Variants in DOCK3 observed in about 807,000 individuals in gnomAD.
The protein encoded by DOCK3 is dedicator of cytokinesis protein 3.
A neutral mutation model predicts 265.6 loss-of-function variants in DOCK3; 60 were observed. The ratio of observed to expected loss-of-function variants is 0.23; its 90% confidence interval spans 0.18 to 0.28. DOCK3 has a LOEUF of 0.28. Among genes scored for constraint, DOCK3 ranks in the 10% least tolerant of loss-of-function variants. DOCK3 has a pLI of 1.00. For synonymous variants in DOCK3, 881 were observed against 938.0 expected (o/e 0.94, Z 1.11); for missense variants, 1,981 against 2,594.3 (o/e 0.76, Z 5.14).
At chr3:50,922,124 CTT>C (rs2050507585) in intron 4 of DOCK3, among the ~76,000 whole-genome samples, 1 of 152,208 alleles carries the variant, frequency 6.6e-6, no homozygotes, top group Admixed American at 6.5e-5. Flanking sequence ...TTTCTGCTGC[CTT>C]TTGTTCAGGT....
intron 5 of DOCK3, among the ~76,000 whole-genome samples, chr3:51,016,082 A>G (rs2079199616): frequency 6.5e-5 from 1 of 15,490 alleles, no homozygotes; most frequent in Non-Finnish European, 9.6e-5. Flanking sequence ...TATATATCAT[A>G]TATTTCTACA....
At chr3:51,259,754 T>G (rs926018433) in intron 22 of DOCK3, among the ~76,000 whole-genome samples, 1 of 152,222 alleles carries the variant, frequency 6.6e-6, no homozygotes, top group Non-Finnish European at 1.5e-5. Flanking sequence ...GGACACTTCC[T>G]TCTTGCAGTA....
At chr3:50,765,072 GTTTTTT>G (rs34672189) in intron 1 of DOCK3, among the ~76,000 whole-genome samples, 1 of 47,434 alleles carries the variant, frequency 2.1e-5, no homozygotes, top group Non-Finnish European at 3.6e-5. Context: ...ACTTTCTTAG[GTTTTTT>G]TTTTTTTTTT....
chr3:50,914,553 A>G (rs2050021583), intron 4 of DOCK3, among the ~76,000 whole-genome samples: 1 of 152,138 alleles, frequency 6.6e-6, no homozygotes, highest in Admixed American at 6.5e-5. Context: ...GTCAGAAAAG[A>G]TAGTTGATAC....
chr3:50,961,002 A>G (rs2076871190), intron 5 of DOCK3, among the ~76,000 whole-genome samples: 1 of 152,166 alleles, frequency 6.6e-6, no homozygotes, highest in Non-Finnish European at 1.5e-5. Flanking sequence ...ATAAGGGAAA[A>G]TTTATGGACT....
At chr3:51,045,977 G>C (rs2080761551) in intron 5 of DOCK3, among the ~76,000 whole-genome samples, 1 of 152,078 alleles carries the variant, frequency 6.6e-6, no homozygotes, top group South Asian at 2.1e-4. Context: ...CAGCAGGCCT[G>C]CAGCACTGTA....
chr3:50,751,345 G>A (rs914725591), intron 1 of DOCK3, among the ~76,000 whole-genome samples: 1 of 151,562 alleles, frequency 6.6e-6, no homozygotes, highest in Non-Finnish European at 1.5e-5. Flanking sequence ...ATGGTGGTTT[G>A]CTGTACCTAT....
At chr3:51,053,110 T>C (rs1404845898) in intron 5 of DOCK3, among the ~76,000 whole-genome samples, 1 of 125,150 alleles carries the variant, frequency 8.0e-6, no homozygotes, top group African/African-American at 2.9e-5. Context: ...TATATATATA[T>C]ATATATATAT....
At chr3:51,085,622 G>T (rs1348876142) in intron 7 of DOCK3, among the ~76,000 whole-genome samples, 2 of 152,128 alleles carry the variant, frequency 1.3e-5, no homozygotes, top group South Asian at 2.1e-4. Context: ...CTTGAAACAA[G>T]TGAAAATGGA....
At chr3:51,372,163 G>A (rs1196290073) in intron 49 of DOCK3, among the ~76,000 whole-genome samples, 2 of 152,170 alleles carry the variant, frequency 1.3e-5, no homozygotes, top group African/African-American at 2.4e-5. Flanking sequence ...CTGATCAAAA[G>A]GCTGATTGGA....
At chr3:50,733,514 A>G (rs1576275641) in intron 1 of DOCK3, among the ~76,000 whole-genome samples, 3 of 152,236 alleles carry the variant, frequency 2.0e-5, no homozygotes, top group South Asian at 4.2e-4. Context: ...ACCGAAGCCT[A>G]TTTTGTCTGA....
chr3:50,985,778 A>G (rs1172321128), intron 5 of DOCK3, among the ~76,000 whole-genome samples: 1 of 151,816 alleles, frequency 6.6e-6, no homozygotes, highest in Non-Finnish European at 1.5e-5. Flanking sequence ...GTATGAATGT[A>G]TTTTCAGAAC....
intron 9 of DOCK3, among the ~76,000 whole-genome samples, chr3:51,141,299 G>T (rs200612872): frequency 7.7e-5 from 11 of 142,914 alleles, no homozygotes; most frequent in South Asian, 2.2e-4. Flanking sequence ...TTCCTGGAGA[G>T]TTTTTTTTTT....
chr3:50,937,185 G>T (rs1488782733), intron 5 of DOCK3, among the ~76,000 whole-genome samples: 1 of 150,914 alleles, frequency 6.6e-6, no homozygotes, highest in African/African-American at 2.4e-5. Context: ...GCTGAAACAG[G>T]AGTATCACTT....
intron 3 of DOCK3, among the ~76,000 whole-genome samples, chr3:50,849,584 G>T (rs1461293368): frequency 1.3e-5 from 2 of 152,046 alleles, no homozygotes; most frequent in Non-Finnish European, 1.5e-5. Flanking sequence ...GTCCTGAGTA[G>T]CTGGGACTAC....
rs201614726 is a variant in DOCK3, at chr3:51,090,338, G to A, written c.700G>A (p.Asp234Asn). The A allele has an allele frequency of 2.1e-5, 33 of 1,605,682 alleles. No individual in the cohort carries two copies. Among genetic ancestry groups the A allele is most frequent in the Middle Eastern group, 1.6e-4 (1 of 6,080 alleles). ...TTACAATACTATTGGGGAAGATACC[G>A]ATGTCTTCTTTTCCTTATATGACAT... ...FTYNTIGEDT[D>N]VFFSLYDMRE... is the part of the protein sequence containing the mutation. Residue 234 changes from aspartate to asparagine, a missense_variant, in exon 9 of 53, where the codon GAT (aspartate) becomes AAT (asparagine). Physicochemically the swap from Asp to Asn is conservative, Grantham distance 23. Around this residue, in one of 4 missense-constraint regions of DOCK3, gnomAD observed 456 missense variants for 539.0 expected, o/e 0.85. Coordinates refer to ENST00000266037, the MANE Select transcript of DOCK3 (RefSeq NM_004947.5).
At chr3:51,256,374 G>A (rs1476849762) in intron 22 of DOCK3, among the ~76,000 whole-genome samples, 1 of 152,126 alleles carries the variant, frequency 6.6e-6, no homozygotes, top group Non-Finnish European at 1.5e-5. Context: ...GGGTTTAAGT[G>A]ATTCTCCTGC....
At chr3:50,877,865 A>G (rs1182144691) in intron 3 of DOCK3, among the ~76,000 whole-genome samples, 1 of 152,098 alleles carries the variant, frequency 6.6e-6, no homozygotes, top group African/African-American at 2.4e-5. Flanking sequence ...ACTGGGAGAC[A>G]TCTCCCAATA....
At chr3:51,310,751 AC>A (rs762439801) in intron 28 of DOCK3, among the ~76,000 whole-genome samples, 5 of 152,078 alleles carry the variant, frequency 3.3e-5, no homozygotes, top group Non-Finnish European at 7.4e-5. Context: ...CATAGAATTT[AC>A]TCTAAAGATA....
Sources: allele counts gnomAD v4.1 joint callset (sites outside exome capture counted in the v4.1 genomes callset), GRCh38; gene constraint gnomAD v4.1.1; regional missense constraint gnomAD v4.1.1; transcripts MANE v1.5; gene names NCBI Gene and HGNC (gene_info 2026-07-23, HGNC 2026-07-21).